SLC25A53: variants seen among roughly 807,000 people sequenced by gnomAD.
SLC25A53 encodes solute carrier family 25 member 53.
Under a neutral mutation model 15.0 loss-of-function variants are expected in SLC25A53, and 5 were observed. The ratio of observed to expected loss-of-function variants is 0.33; its 90% CI spans 0.17 to 0.70. The LOEUF is 0.70. Among genes scored for constraint, SLC25A53 ranks in the 30% least tolerant of loss-of-function variants. The probability of loss-of-function intolerance (pLI) is 0.67; values close to 1 mark genes in which losing one functional copy is unlikely to be tolerated. For synonymous variants in SLC25A53, 95 were observed against 100.0 expected (o/e 0.95, Z 0.30); for missense variants, 216 against 241.6 (o/e 0.89, Z 0.70).
intron 1 of SLC25A53, among the ~76,000 whole-genome samples, chrX:104,148,423 C>T (rs1440597757): frequency 9.2e-6 from 1 of 109,247 alleles, no homozygotes; most frequent in Non-Finnish European, 1.9e-5. Context: ...GCACGTTGTG[C>T]ACATGTACCC....
At chrX:104,119,085 CAAT>C (rs2147871001) in intron 1 of SLC25A53, among the ~76,000 whole-genome samples, 1 of 111,848 alleles carries the variant, frequency 8.9e-6, no homozygotes, top group Non-Finnish European at 1.9e-5. Context: ...ACAGCTGCAA[CAAT>C]GAGTGGAGGA....
chrX:104,154,806 A>G (rs2075495484), intron 1 of SLC25A53, among the ~76,000 whole-genome samples: 1 of 112,095 alleles, frequency 8.9e-6, no homozygotes, highest in African/African-American at 3.2e-5. Context: ...AATGGTGGTG[A>G]TATTTCAAAA....
At chrX:104,111,858 G>A (rs1569460535) in intron 1 of SLC25A53, among the ~76,000 whole-genome samples, 2 of 112,152 alleles carry the variant, frequency 1.8e-5, no homozygotes. Flanking sequence ...TGGAGATAAT[G>A]GTTCTTGCTC....
intron 1 of SLC25A53, among the ~76,000 whole-genome samples, chrX:104,154,256 G>A (rs1556370972): frequency 1.8e-5 from 2 of 111,797 alleles, no homozygotes; most frequent in Non-Finnish European, 3.8e-5. Context: ...ATCACTAATC[G>A]CTAGGGACAT....
rs372629474 is a variant in SLC25A53, at chrX:104,134,509, G to A, written c.-32+22369C>T. On this transcript the variant is annotated intron_variant, in intron 1 of 1. Coordinates refer to ENST00000594199, the MANE Select transcript of SLC25A53 (RefSeq NM_001012755.5). ...AGTGTGGGTTAGAGCCAAACCACCT[G>A]AGTTTGAATCTAGGCTCTGCCACTT... 4.5e-5 allele frequency among the ~76,000 whole-genome samples: 5 copies of A among 111,602 alleles called. No homozygotes were observed. The East Asian group carries it at 1.1e-3, about 25-fold the overall frequency.
In SLC25A53 at chrX:104,138,232, C is replaced by T. The variant is rs1316267596; in HGVS notation, c.-32+18646G>A. 1.1e-4 allele frequency among the ~76,000 whole-genome samples: 12 copies of T among 108,819 alleles called. No individual in the cohort carries two copies. The Admixed American group carries it at 1.2e-3, about 11-fold the overall frequency. 94.5% of individuals were successfully genotyped at this position (108,819 alleles called of 115,157 possible). ...GAGACCAGCCTGAGTAACAGGGAGACGGCGTCTCTACAAAAAAAAAACAAA... is the reference window on the plus strand; with the variant it reads ...GAGACCAGCCTGAGTAACAGGGAGATGGCGTCTCTACAAAAAAAAAACAAA... On this transcript the variant is annotated intron_variant, in intron 1 of 1. Coordinates refer to ENST00000594199, the MANE Select transcript of SLC25A53 (RefSeq NM_001012755.5).
chrX:104,119,116 T>C (rs1230616070), intron 1 of SLC25A53, among the ~76,000 whole-genome samples: 4 of 111,914 alleles, frequency 3.6e-5, no homozygotes, highest in Non-Finnish European at 7.5e-5. Context: ...ATTGTTCAAT[T>C]CATGGTGCTG....
intron 1 of SLC25A53, among the ~76,000 whole-genome samples, chrX:104,126,232 C>T (rs1205114331): frequency 5.4e-5 from 6 of 111,347 alleles, no homozygotes; most frequent in Non-Finnish European, 9.4e-5. Flanking sequence ...TCGTTTTAGC[C>T]CAGGAGTTCG....
At chrX:104,114,040 A>G in intron 1 of SLC25A53, 2 of 1,198,413 alleles carry the variant, frequency 1.7e-6, no homozygotes, top group Non-Finnish European at 2.2e-6. Flanking sequence ...TGCTTTGGAG[A>G]ATCCTGCAGA....
intron 1 of SLC25A53, among the ~76,000 whole-genome samples, chrX:104,142,573 G>A (rs957991770): frequency 7.2e-5 from 8 of 110,990 alleles, no homozygotes; most frequent in Admixed American, 6.8e-4. Flanking sequence ...TTCCTCAAAG[G>A]CTCGTCAGCA....
At chrX:104,114,572 T>C in intron 1 of SLC25A53, 27 of 1,211,732 alleles carry the variant, frequency 2.2e-5, no homozygotes, top group Admixed American at 6.5e-5. Flanking sequence ...CGTTTAGAGG[T>C]GCAGCTCCAG....
intron 1 of SLC25A53, among the ~76,000 whole-genome samples, chrX:104,120,549 C>T (rs112428554): frequency 0.039 from 4,412 of 112,177 alleles, 181 homozygotes; most frequent in African/African-American, 0.13. Context: ...TGATATTGTA[C>T]ACTGACTTTG....
intron 1 of SLC25A53, among the ~76,000 whole-genome samples, chrX:104,134,682 T>C (rs1556366144): frequency 9.0e-6 from 1 of 111,601 alleles, no homozygotes; most frequent in Non-Finnish European, 1.9e-5. Context: ...TTAACTACCA[T>C]TTTCAAGGCG....
chrX:104,116,395 T>C (rs1556361360), intron 1 of SLC25A53, among the ~76,000 whole-genome samples: 1 of 110,468 alleles, frequency 9.1e-6, no homozygotes, highest in Non-Finnish European at 1.9e-5. Context: ...CTGAGGGAGT[T>C]TGCCTGGGAG....
rs1380193619 is a variant in SLC25A53, at chrX:104,108,400, G to C, written c.-31-3112C>G. Among the ~76,000 whole-genome samples the C allele has an allele frequency of 3.6e-5, 4 of 111,407 alleles. No homozygotes were observed. In the East Asian group the frequency reaches 1.1e-3, roughly 31 times the overall value. ...GCCTTGATAAGAAGGATCAAAAAAA[G>C]ATGCTTCTGGACTTCACTATCTGTC... On this transcript the variant is annotated intron_variant, in intron 1 of 1. Transcript: ENST00000594199.
At chrX:104,153,439 C>T (rs1415216080) in intron 1 of SLC25A53, among the ~76,000 whole-genome samples, 2 of 111,414 alleles carry the variant, frequency 1.8e-5, no homozygotes, top group Admixed American at 9.6e-5. Context: ...ACCAAAATGC[C>T]ACTATGCAGT....
chrX:104,156,937 G>A lies in SLC25A53; in HGVS notation c.-91C>T, dbSNP rs1556371588. The A allele has an allele frequency of 8.9e-6, 1 of 112,007 alleles. No individual in the cohort carries two copies. Among genetic ancestry groups the A allele is most frequent in the Non-Finnish European group, 1.9e-5 (1 of 53,235 alleles). 9.2% of individuals were successfully genotyped at this position (112,007 alleles called of 1,213,427 possible). ...GGCCCCTTTCCTGTGGCCTCAGAAA[G>A]CAGCGACAGTCGCAGTCACCGGACC... On this transcript the variant is annotated 5_prime_UTR_variant, in exon 1 of 2. Transcript: ENST00000594199.
chrX:104,126,975 T>C (rs2075412624), intron 1 of SLC25A53, among the ~76,000 whole-genome samples: 1 of 112,595 alleles, frequency 8.9e-6, no homozygotes, highest in Non-Finnish European at 1.9e-5. Context: ...GTACTTATCA[T>C]ATGACCCTGC....
intron 1 of SLC25A53, chrX:104,130,627 GA>G (rs2075423396): frequency 9.0e-6 from 1 of 111,011 alleles, no homozygotes; most frequent in Admixed American, 9.6e-5. Context: ...CTGTCCAGCA[GA>G]ATTTTGCATC....
Sources: gnomAD v4.1 joint callset for allele counts (sites outside exome capture counted in the v4.1 genomes callset) on GRCh38, gnomAD v4.1.1 for gene constraint, MANE v1.5 for transcripts, NCBI Gene and HGNC (gene_info 2026-07-23, HGNC 2026-07-21) for gene names.